SLC4A10: variants seen among roughly 807,000 people sequenced by gnomAD.
The protein encoded by SLC4A10 is sodium-driven chloride bicarbonate exchanger.
A neutral mutation model predicts 137.7 loss-of-function variants in SLC4A10; 42 were observed. The ratio of observed to expected loss-of-function variants is 0.30; its 90% CI spans 0.24 to 0.39. SLC4A10 has a LOEUF of 0.39. SLC4A10 is among the 10% of genes least tolerant of loss of function. The probability of loss-of-function intolerance (pLI) is 1.00; values close to 1 mark genes in which losing one functional copy is unlikely to be tolerated. For missense variants in SLC4A10, 925 were observed against 1,355.0 expected, an observed-to-expected ratio of 0.68 and a Z score of 4.98; for synonymous variants, 474 against 464.1, an observed-to-expected ratio of 1.02 and a Z score of -0.27.
chr2:161,757,525 A>G (rs542090641), intron 1 of SLC4A10, among the ~76,000 whole-genome samples: 1 of 152,300 alleles, frequency 6.6e-6, no homozygotes. Flanking sequence ...TTTACTCTTC[A>G]TAACCATAAT....
chr2:161,937,684 C>T (rs1691832264), intron 15 of SLC4A10, among the ~76,000 whole-genome samples: 1 of 152,222 alleles, frequency 6.6e-6, no homozygotes, highest in Non-Finnish European at 1.5e-5. Flanking sequence ...TCTTGTCCAA[C>T]TTAGCATGCT....
At chr2:161,685,482 C>T (rs1245004146) in intron 1 of SLC4A10, among the ~76,000 whole-genome samples, 1 of 152,064 alleles carries the variant, frequency 6.6e-6, no homozygotes, top group Non-Finnish European at 1.5e-5. Flanking sequence ...GTGGCACACA[C>T]CTGTGGTCCC....
At chr2:161,892,417 TA>T (rs557788119) in intron 10 of SLC4A10, among the ~76,000 whole-genome samples, 1 of 151,846 alleles carries the variant, frequency 6.6e-6, no homozygotes, top group Non-Finnish European at 1.5e-5. Flanking sequence ...TTTTTAATAT[TA>T]AAAAAAATCT....
chr2:161,874,257 T>C (rs2061330155), intron 8 of SLC4A10, among the ~76,000 whole-genome samples: 1 of 152,248 alleles, frequency 6.6e-6, no homozygotes, highest in Admixed American at 6.5e-5. Flanking sequence ...TGCATATTTA[T>C]GTATAAATGC....
At chr2:161,648,970 A>T (rs1317360193) in intron 1 of SLC4A10, among the ~76,000 whole-genome samples, 1 of 152,146 alleles carries the variant, frequency 6.6e-6, no homozygotes, top group Non-Finnish European at 1.5e-5. Flanking sequence ...TTGCATCAAA[A>T]ATTATACTAG....
At chr2:161,798,170 T>A (rs909095357) in intron 2 of SLC4A10, among the ~76,000 whole-genome samples, 4 of 152,024 alleles carry the variant, frequency 2.6e-5, no homozygotes, top group African/African-American at 7.2e-5. Context: ...TTATGATCAA[T>A]GATGACTTGT....
chr2:161,676,284 A>T (rs2040265979), intron 1 of SLC4A10, among the ~76,000 whole-genome samples: 1 of 152,162 alleles, frequency 6.6e-6, no homozygotes, highest in Admixed American at 6.6e-5. Context: ...GGAGAATGGG[A>T]ATGACTAGTT....
chr2:161,917,116 T>C (rs1280165796), intron 15 of SLC4A10, among the ~76,000 whole-genome samples: 3 of 152,224 alleles, frequency 2.0e-5, no homozygotes, highest in East Asian at 1.9e-4. Flanking sequence ...GAATTTTACA[T>C]AAATGGAACC....
At chr2:161,702,116 G>A (rs1403413479) in intron 1 of SLC4A10, among the ~76,000 whole-genome samples, 3 of 151,884 alleles carry the variant, frequency 2.0e-5, no homozygotes, top group African/African-American at 7.2e-5. Context: ...GTTTATTGCA[G>A]CATTTCACAA....
rs576205727 is a variant in SLC4A10, at chr2:161,660,623, T to C, written c.48+36057T>C. ...TTCTTTCTTTCTTTCTTTCTTTCTT[T>C]CTTCCTTTCCTTCTTTCCTTCTTTC... is the stretch of plus-strand genomic sequence containing the variant. On this transcript the variant is annotated intron_variant, in intron 1 of 26. Coordinates refer to ENST00000446997, the MANE Select transcript of SLC4A10 (RefSeq NM_001178015.2). 1.0e-4 allele frequency among the ~76,000 whole-genome samples: 14 copies of C among 136,888 alleles called. No individual in the cohort carries two copies. The East Asian group carries it at 1.5e-3, about 15-fold the overall frequency. 89.8% of individuals were successfully genotyped at this position (136,888 alleles called of 152,430 possible).
rs545373745 is a variant in SLC4A10 at position 161,705,818 on chromosome 2, G to T, written c.49-65155G>T. 4.6e-5 allele frequency among the ~76,000 whole-genome samples: 7 copies of T among 151,494 alleles called. 1 individual carries two copies. In the East Asian group the frequency reaches 5.8e-4, roughly 13 times the overall value. ...AAATGGACTAAGATACACTCTTTTGGCTCTCTCTTCATTCAGTCCAAGGGT... is the reference window on the plus strand; with the variant it reads ...AAATGGACTAAGATACACTCTTTTGTCTCTCTCTTCATTCAGTCCAAGGGT... On this transcript the variant is annotated intron_variant, in intron 1 of 26. Transcript: ENST00000446997.
At chr2:161,951,356 T>G (rs145394603) in intron 19 of SLC4A10, among the ~76,000 whole-genome samples, 1 of 152,290 alleles carries the variant, frequency 6.6e-6, no homozygotes, top group Non-Finnish European at 1.5e-5. Context: ...TCTTTGAGTT[T>G]TATTGCAGAT....
At chr2:161,806,466 TA>T (rs1302048208) in intron 3 of SLC4A10, among the ~76,000 whole-genome samples, 9 of 152,196 alleles carry the variant, frequency 5.9e-5, no homozygotes, top group Non-Finnish European at 1.2e-4. Context: ...GCTTCCTTTA[TA>T]AAACCGAATG....
rs537858982 is a variant in SLC4A10 at position 161,851,689 on chromosome 2, A to G, written c.417-3281A>G. Among the ~76,000 whole-genome samples the G allele has an allele frequency of 3.9e-5, 6 of 152,276 alleles. No homozygotes were observed. In the South Asian group the frequency reaches 8.3e-4, roughly 21 times the overall value. On this transcript the variant is annotated intron_variant, in intron 4 of 26. Transcript: ENST00000446997. The stretch of plus-strand genomic sequence containing the variant: ...ATAAGAAAGGGTTTTATCATTCTAT[A>G]TAGATCAAGAGGCCCAGGAGTATTT...
intron 4 of SLC4A10, among the ~76,000 whole-genome samples, chr2:161,845,349 A>G (rs1420057738): frequency 6.6e-6 from 1 of 152,090 alleles, no homozygotes; most frequent in Non-Finnish European, 1.5e-5. Context: ...TGAAATGTTT[A>G]GTATCTTTAG....
intron 9 of SLC4A10, among the ~76,000 whole-genome samples, chr2:161,881,424 T>A (rs921657312): frequency 6.6e-6 from 1 of 151,982 alleles, no homozygotes; most frequent in Non-Finnish European, 1.5e-5. Context: ...ACAAAAAATA[T>A]TGTCATATCC....
chr2:161,912,404 A>T (rs1686069724), intron 15 of SLC4A10, among the ~76,000 whole-genome samples: 1 of 152,164 alleles, frequency 6.6e-6, no homozygotes, highest in Admixed American at 6.5e-5. Flanking sequence ...AGGAGTTCAC[A>T]ATCTTTGAAG....
intron 19 of SLC4A10, among the ~76,000 whole-genome samples, chr2:161,954,102 G>A (rs1032463265): frequency 3.9e-5 from 6 of 152,108 alleles, no homozygotes; most frequent in Admixed American, 2.0e-4. Context: ...ATACAATCCC[G>A]GATCACTTGA....
At chr2:161,926,346 T>C (rs1398784409) in intron 15 of SLC4A10, among the ~76,000 whole-genome samples, 1 of 119,232 alleles carries the variant, frequency 8.4e-6, no homozygotes, top group Non-Finnish European at 1.9e-5. Flanking sequence ...TTAAAGTCTG[T>C]TTTATCAGAG....
Sources: gnomAD v4.1 joint callset for allele counts (sites outside exome capture counted in the v4.1 genomes callset) on GRCh38, gnomAD v4.1.1 for gene constraint, MANE v1.5 for transcripts, NCBI Gene and HGNC (gene_info 2026-07-23, HGNC 2026-07-21) for gene names.